NCALD: variants seen among roughly 807,000 people sequenced by gnomAD.
NCALD encodes the protein neurocalcin delta, also known as neurocalcin-delta.
A neutral mutation model predicts 18.6 loss-of-function variants in NCALD; 10 were observed. The ratio of observed to expected loss-of-function variants is 0.54; its 90% CI spans 0.33 to 0.91. The LOEUF (loss-of-function observed/expected upper bound fraction) is 0.91. Ranked by LOEUF, NCALD falls within the 40% of genes least tolerant of loss-of-function variation. The pLI is 0.03. For missense variants in NCALD, 184 were observed against 247.6 expected (o/e 0.74, Z 1.72); for synonymous variants, 88 against 87.4 (o/e 1.01, Z -0.04).
At chr8:101,883,714 A>G (rs963671263) in intron 4 of NCALD, among the ~76,000 whole-genome samples, 1 of 152,252 alleles carries the variant, frequency 6.6e-6, no homozygotes, top group African/African-American at 2.4e-5. Context: ...AATACAATTT[A>G]GATTTGAAAT....
At chr8:101,801,220 T>A (rs1812838350) in intron 4 of NCALD, among the ~76,000 whole-genome samples, 1 of 152,120 alleles carries the variant, frequency 6.6e-6, no homozygotes, top group African/African-American at 2.4e-5. Context: ...TATGTACACA[T>A]TTAATAGCAT....
chr8:101,761,898 G>A (rs1485182210), intron 1 of NCALD, among the ~76,000 whole-genome samples: 6 of 152,116 alleles, frequency 3.9e-5, no homozygotes, highest in African/African-American at 1.2e-4. Context: ...CCCCCGTTTC[G>A]GGGCCTCGAA....
chr8:102,029,529 G>T (rs544247830), intron 1 of NCALD, among the ~76,000 whole-genome samples: 1 of 152,136 alleles, frequency 6.6e-6, no homozygotes, highest in African/African-American at 2.4e-5. Flanking sequence ...TTTCAAAATC[G>T]CCTTTATTCT....
intron 1 of NCALD, among the ~76,000 whole-genome samples, chr8:102,091,037 G>T (rs1824908108): frequency 1.3e-5 from 2 of 152,112 alleles, no homozygotes; most frequent in Admixed American, 6.5e-5. Context: ...AGGCCCAGGA[G>T]CCCCAATTTA....
chr8:101,854,890 C>T (rs1320662174), intron 4 of NCALD, among the ~76,000 whole-genome samples: 2 of 152,238 alleles, frequency 1.3e-5, no homozygotes, highest in East Asian at 3.9e-4. Flanking sequence ...GTAGCATGCA[C>T]TATTAGGTAC....
chr8:102,050,168 C>CAAAAAAAAAAAAAAAAAAAAAAAAAA (rs71268541), intron 1 of NCALD, among the ~76,000 whole-genome samples: 7 of 44,702 alleles, frequency 1.6e-4, no homozygotes, highest in African/African-American at 3.1e-4. Flanking sequence ...GACTCCGTCT[C>CAAAAAAAAAAAAAAAAAAAAAAAAAA]AAAAAAAAAA....
At chr8:101,746,550 C>T (rs1251508439) in intron 1 of NCALD, among the ~76,000 whole-genome samples, 2 of 152,086 alleles carry the variant, frequency 1.3e-5, no homozygotes, top group Admixed American at 1.3e-4. Flanking sequence ...CATAGCTGCT[C>T]ATATTGATTC....
intron 1 of NCALD, among the ~76,000 whole-genome samples, chr8:102,108,504 C>T (rs990985640): frequency 6.6e-6 from 1 of 152,190 alleles, no homozygotes; most frequent in Admixed American, 6.5e-5. Context: ...GCACGCAATG[C>T]ACTCGTGAGA....
chr8:101,734,051 G>A (rs1284413689), intron 1 of NCALD, among the ~76,000 whole-genome samples: 2 of 152,144 alleles, frequency 1.3e-5, no homozygotes, highest in South Asian at 2.1e-4. Context: ...TGTGTTGATG[G>A]CCTTCTCCAG....
At chr8:101,710,673 A>T (rs1815742505) in intron 2 of NCALD, among the ~76,000 whole-genome samples, 1 of 152,234 alleles carries the variant, frequency 6.6e-6, no homozygotes, top group Non-Finnish European at 1.5e-5. Flanking sequence ...GGCAGAGCCC[A>T]CCGCAGCACC....
At chr8:102,057,257 T>TACACACACACAC (rs3085988) in intron 1 of NCALD, among the ~76,000 whole-genome samples, 15,437 of 147,600 alleles carry the variant, frequency 0.1, 910 homozygotes, top group Non-Finnish European at 0.13. Flanking sequence ...GGCTAGTTCA[T>TACACACACACAC]ACACACACAC....
intron 1 of NCALD, among the ~76,000 whole-genome samples, chr8:102,083,193 A>G (rs1824608375): frequency 6.6e-6 from 1 of 152,252 alleles, no homozygotes; most frequent in African/African-American, 2.4e-5. Flanking sequence ...AACTGGCTCC[A>G]TAACTTTGAC....
At chr8:101,979,238 G>C (rs1185767462) in intron 2 of NCALD, among the ~76,000 whole-genome samples, 1 of 151,992 alleles carries the variant, frequency 6.6e-6, no homozygotes, top group Non-Finnish European at 1.5e-5. Context: ...AGGCATTCTG[G>C]AGAAATTTCT....
chr8:102,094,854 C>G (rs573701042), intron 1 of NCALD, among the ~76,000 whole-genome samples: 1 of 152,260 alleles, frequency 6.6e-6, no homozygotes, highest in Admixed American at 6.5e-5. Context: ...GATGTGTCCA[C>G]ACGACAGGGA....
At chr8:101,776,407 A>G (rs948701331) in intron 1 of NCALD, among the ~76,000 whole-genome samples, 1 of 152,180 alleles carries the variant, frequency 6.6e-6, no homozygotes, top group Non-Finnish European at 1.5e-5. Flanking sequence ...TTACAAGACT[A>G]ATTTCAATTA....
At chr8:101,912,003 A>G (rs1817818505) in intron 3 of NCALD, among the ~76,000 whole-genome samples, 1 of 152,260 alleles carries the variant, frequency 6.6e-6, no homozygotes, top group East Asian at 1.9e-4. Context: ...AAGAACAATC[A>G]GGAAAAATAT....
At chr8:101,999,263 A>G (rs894007731) in intron 2 of NCALD, among the ~76,000 whole-genome samples, 6 of 152,126 alleles carry the variant, frequency 3.9e-5, no homozygotes, top group African/African-American at 1.2e-4. Context: ...CAAATGCCCA[A>G]CAATCAATGA....
At chr8:101,874,273 A>G (rs1816137468) in intron 4 of NCALD, among the ~76,000 whole-genome samples, 1 of 152,232 alleles carries the variant, frequency 6.6e-6, no homozygotes. Context: ...GAGAATTAGC[A>G]GTAAACAAAA....
intron 1 of NCALD, among the ~76,000 whole-genome samples, chr8:101,749,683 T>G (rs549389404): frequency 3.9e-5 from 6 of 152,292 alleles, no homozygotes; most frequent in African/African-American, 1.4e-4. Flanking sequence ...ACTACTGCCC[T>G]TCCCCCTACC....
Sources: gnomAD v4.1 joint callset for allele counts (sites outside exome capture counted in the v4.1 genomes callset) on GRCh38, gnomAD v4.1.1 for gene constraint, MANE v1.5 for transcripts, NCBI Gene and HGNC (gene_info 2026-07-23, HGNC 2026-07-21) for gene names.